The following SLC22A8 variants were observed in gnomAD, a reference collection of about 807,000 sequenced individuals.
SLC22A8 encodes the protein solute carrier family 22 member 8, also known as organic anion transporter 3.
A neutral mutation model predicts 48.4 loss-of-function variants in SLC22A8; 40 were observed. The observed-to-expected ratio is 0.83, with a 90% confidence interval of 0.64 to 1.08. The LOEUF is 1.08. SLC22A8 is among the 50% of genes least tolerant of loss of function. SLC22A8 has a pLI of 0.00. For missense variants in SLC22A8, 606 were observed against 699.0 expected (o/e 0.87, Z 1.50); for synonymous variants, 268 against 286.3 (o/e 0.94, Z 0.65).
intron 2 of SLC22A8, among the ~76,000 whole-genome samples, chr11:63,004,701 A>C (rs1404382826): frequency 6.6e-6 from 1 of 152,242 alleles, no homozygotes; most frequent in African/African-American, 2.4e-5. Flanking sequence ...TCTCCCAAGA[A>C]TATCAGCCTG....
rs1381956025 is a variant in SLC22A8, at chr11:62,999,087, C to T, written c.595G>A (p.Val199Met). 6.2e-7 allele frequency: 1 copy of T among 1,611,860 alleles called. No individual in the cohort carries two copies. Residue 199 changes from valine (V) to methionine (M), a missense_variant and splice_region_variant, in exon 5 of 11, where the codon GTG becomes ATG. Coordinates refer to ENST00000336232, the MANE Select transcript of SLC22A8 (RefSeq NM_004254.4). ...GITLSTVILN[V>M]EWVPTRMRAI... ...CGCATCCGGGTAGGCACCCATTCCACATCTGTGGGAGGAGTCCAAGCACCA... is the reference window on the plus strand; with the variant it reads ...CGCATCCGGGTAGGCACCCATTCCATATCTGTGGGAGGAGTCCAAGCACCA...
chr11:63,001,497 A>G (rs1382876812), intron 2 of SLC22A8, among the ~76,000 whole-genome samples: 2 of 152,226 alleles, frequency 1.3e-5, no homozygotes, highest in Non-Finnish European at 2.9e-5. Flanking sequence ...TTTACGGCGC[A>G]CAATGGAACG....
intron 2 of SLC22A8, among the ~76,000 whole-genome samples, chr11:63,014,044 G>A (rs569287185): frequency 1.3e-5 from 2 of 152,290 alleles, no homozygotes; most frequent in South Asian, 4.1e-4. Flanking sequence ...AGTGTTTCAA[G>A]CCTCCCCTCT....
chr11:63,003,636 T>C (rs1423074271), intron 2 of SLC22A8, among the ~76,000 whole-genome samples: 2 of 152,348 alleles, frequency 1.3e-5, no homozygotes, highest in Non-Finnish European at 2.9e-5. Flanking sequence ...CCTTCTTCCA[T>C]AGTAAATAGC....
At chr11:63,014,086 T>C (rs894266133) in intron 2 of SLC22A8, among the ~76,000 whole-genome samples, 4 of 152,112 alleles carry the variant, frequency 2.6e-5, no homozygotes, top group Non-Finnish European at 4.4e-5. Flanking sequence ...CCTCCCACCT[T>C]GGGGTCTTTG....
intron 8 of SLC22A8, 112 bp from the exon 9 acceptor site, chr11:62,993,990 C>A: frequency 2.8e-6 from 2 of 715,468 alleles, no homozygotes; most frequent in Non-Finnish European, 5.1e-6. Flanking sequence ...AAGCTCAGAT[C>A]CAAACTTAAA....
At chr11:63,011,646 T>C (rs954215863) in intron 2 of SLC22A8, among the ~76,000 whole-genome samples, 1 of 152,222 alleles carries the variant, frequency 6.6e-6, no homozygotes, top group Non-Finnish European at 1.5e-5. Context: ...GTATCTATTC[T>C]GACTGTCCCT....
At chr11:63,012,856 G>C (rs1193774182) in intron 2 of SLC22A8, among the ~76,000 whole-genome samples, 1 of 152,170 alleles carries the variant, frequency 6.6e-6, no homozygotes, top group Non-Finnish European at 1.5e-5. Context: ...TTATGCACTG[G>C]GTGTCAATAA....
At chr11:63,003,968 A>T (rs1353589213) in intron 2 of SLC22A8, among the ~76,000 whole-genome samples, 1 of 152,254 alleles carries the variant, frequency 6.6e-6, no homozygotes, top group African/African-American at 2.4e-5. Flanking sequence ...TTGTTATAAT[A>T]ACCTAGCCTA....
At chr11:62,993,964 T>C in intron 8 of SLC22A8, 86 bp from the exon 9 acceptor site, 5 of 835,488 alleles carry the variant, frequency 6.0e-6, no homozygotes, top group Non-Finnish European at 8.3e-6. Flanking sequence ...TCTCCCTTTT[T>C]GCTTTGGCTT....
At chr11:62,994,309 A>T (rs1353317506) in intron 8 of SLC22A8, 2 of 574,828 alleles carry the variant, frequency 3.5e-6, no homozygotes, top group African/African-American at 3.7e-5. Flanking sequence ...AAATTTTCAC[A>T]CTATCCAGAT....
Position 63,014,810 on chromosome 11 carries a change from C to T in SLC22A8, c.149G>A (p.Arg50His), listed in dbSNP as rs545835369. The change falls in exon 2 of 11, where the codon CGC becomes CAC. Residue 50 changes from arginine to histidine, a missense_variant. By Grantham distance (29) the Arg-to-His change is conservative. Transcript: ENST00000336232. ...CCCTGTGGAGGCATTGTGGGGCGGG[C>T]GACAGTGGTGGACAGGGGTGGCGGC... ...FTAATPVHHC[R>H]PPHNASTGPW... 33 of 1,612,646 alleles carry T rather than the reference C, an allele frequency of 2.0e-5. No homozygotes were observed. Among genetic ancestry groups the T allele is most frequent in the East Asian group, 4.5e-5 (2 of 44,842 alleles).
Position 62,993,673 on chromosome 11 carries a change from A to T in SLC22A8, c.1326-46T>A, listed in dbSNP as rs757315160. The T allele has an allele frequency of 2.0e-5, 32 of 1,600,574 alleles. No homozygotes were observed. In the South Asian group the frequency reaches 3.6e-4, roughly 18 times the overall value. ...GATTGGTAGCCTGTGTGTGGGGTTC[A>T]TAAAGGATGGCTCCCCTGGGTAGAG... On this transcript the variant is annotated intron_variant, in intron 9 of 10. Transcript: ENST00000336232.
rs11568486 is a variant in SLC22A8, at chr11:62,993,611, C to A, written c.1342G>T (p.Val448Leu). 9.3e-6 allele frequency: 15 copies of A among 1,608,392 alleles called. No individual in the cohort carries two copies. The Admixed American group carries it at 1.2e-4, about 13-fold the overall frequency. ...CCCACGCGGGTCCACAGGTTACTTA[C>A]GCCCATACCTGTTTGCCTGCGAGGG... ...PTVIRQTGMGVSNLWTRVGSM... is the reference protein window; with the variant it reads ...PTVIRQTGMGLSNLWTRVGSM... The change falls in exon 10 of 11, where the codon GTA (valine) becomes TTA (leucine). Residue 448 changes from valine to leucine, a missense_variant. Transcript: ENST00000336232.
chr11:63,013,694 G>T (rs1208341410), intron 2 of SLC22A8, among the ~76,000 whole-genome samples: 1 of 152,068 alleles, frequency 6.6e-6, no homozygotes, highest in African/African-American at 2.4e-5. Flanking sequence ...CCTTTCTCTG[G>T]GTCTTAGGTT....
intron 2 of SLC22A8, 103 bp from the exon 3 acceptor site, chr11:63,000,926 C>A: frequency 1.2e-6 from 1 of 851,650 alleles, no homozygotes. Context: ...TCCCAGCGCC[C>A]TGACTTTGCC....
chr11:62,993,110 AC>A lies in SLC22A8; in HGVS notation c.*126del. On this transcript the variant is annotated 3_prime_UTR_variant, in exon 11 of 11. Coordinates refer to ENST00000336232, the MANE Select transcript of SLC22A8 (RefSeq NM_004254.4). ...GGAGGCTCTGGTGGTGGTGATGGAGACACCTTCACCAAGCTCTCAGAAGGCT... is the reference window on the plus strand; with the variant it reads ...GGAGGCTCTGGTGGTGGTGATGGAGAACCTTCACCAAGCTCTCAGAAGGCT... 1 of 672,116 alleles carries A rather than the reference AC, an allele frequency of 1.5e-6. No homozygotes were observed. The highest frequency in any genetic ancestry group is 2.5e-6 in the Non-Finnish European group (1 of 393,062). The allele number at this position is 672,116 out of a possible 1,614,324, so 41.6% of individuals were successfully genotyped here.
Position 62,999,845 on chromosome 11 carries a change from G to A in SLC22A8, c.438-3C>T. 3 of 1,526,698 alleles carry A rather than the reference G, an allele frequency of 2.0e-6. No homozygotes were observed. Among genetic ancestry groups the A allele is most frequent in the Non-Finnish European group, 2.6e-6 (3 of 1,133,618 alleles). The allele number at this position is 1,526,698 out of a possible 1,614,324, so 94.6% of individuals were successfully genotyped here. On this transcript the variant is annotated splice_polypyrimidine_tract_variant and splice_region_variant and intron_variant, in intron 3 of 10. Transcript: ENST00000336232. ...TCAGGATGGGCCTGCGGCCAAACCT[G>A]TAGCTCGAAGGAGAGGAGGGGCCAG...
Position 63,014,944 on chromosome 11 carries a change from C to T in SLC22A8, c.15G>A (p.Glu5=). 1 of 1,551,294 alleles carries T rather than the reference C, an allele frequency of 6.4e-7. No homozygotes were observed. Among genetic ancestry groups the T allele is most frequent in the Non-Finnish European group, 8.7e-7 (1 of 1,143,310 alleles). ...CCATGCTTCCCACACGGTCCAGGATCTCCGAGAAGGTCATGGCACTGGGGC... is the reference window on the plus strand; with the variant it reads ...CCATGCTTCCCACACGGTCCAGGATTTCCGAGAAGGTCATGGCACTGGGGC... MTFS[E]ILDRVGSMGH... Residue 5 remains glutamate (E), a synonymous_variant, in exon 2 of 11, where the codon GAG becomes GAA. Transcript: ENST00000336232.
Sources: gnomAD v4.1 joint callset for allele counts (sites outside exome capture counted in the v4.1 genomes callset) on GRCh38, gnomAD v4.1.1 for gene constraint, MANE v1.5 for transcripts, NCBI Gene and HGNC (gene_info 2026-07-23, HGNC 2026-07-21) for gene names.